The following SGO2 variants were observed in gnomAD, a reference collection of about 807,000 sequenced individuals.
SGO2 encodes the protein shugoshin 2, also known as shugoshin-like 2.
Under a neutral mutation model 99.5 loss-of-function variants are expected in SGO2, and 68 were observed. The observed-to-expected ratio is 0.68, with a 90% confidence interval of 0.56 to 0.84. The LOEUF (loss-of-function observed/expected upper bound fraction) is 0.84, where lower values mean the gene tolerates loss of function less well. Among genes scored for constraint, SGO2 ranks in the 40% least tolerant of loss-of-function variants. SGO2 has a pLI of 0.00. For missense variants in SGO2, 1,350 were observed against 1,436.7 expected, an observed-to-expected ratio of 0.94 and a Z score of 0.97; for synonymous variants, 457 against 487.1, an observed-to-expected ratio of 0.94 and a Z score of 0.81.
At position 200,573,835 on chromosome 2, in the gene SGO2, C is replaced by T. The variant is rs751980879; in HGVS notation, c.3489C>T (p.Ser1163=). 99 of 1,613,034 alleles carry T rather than the reference C, an allele frequency of 6.1e-5. 1 individual carries two copies. The Middle Eastern group carries it at 1.7e-3, about 27-fold the overall frequency. ...TTCGTGAAGGTTTAGTACCTTTGAG[C>T]GTTTCTTCTGGTAAAAATGTGATAA... ...DSVREGLVPL[S]VSSGKNVIIK... Residue 1163 remains serine, a synonymous_variant, in exon 7 of 9, where the codon AGC becomes AGT. Coordinates refer to ENST00000357799, the MANE Select transcript of SGO2 (RefSeq NM_152524.6).
chr2:200,551,570 G>T (rs1361717015), intron 5 of SGO2, among the ~76,000 whole-genome samples: 1 of 151,990 alleles, frequency 6.6e-6, no homozygotes, highest in African/African-American at 2.4e-5. Context: ...TTTTTAAAAG[G>T]AATATTTCTA....
chr2:200,555,779 G>T (rs1034304883), intron 5 of SGO2, among the ~76,000 whole-genome samples: 1 of 152,134 alleles, frequency 6.6e-6, no homozygotes. Context: ...TGATACCCCT[G>T]AAAGTCAAAA....
chr2:200,535,777 A>T (rs2031662048), intron 3 of SGO2, among the ~76,000 whole-genome samples: 1 of 152,100 alleles, frequency 6.6e-6, no homozygotes, highest in Admixed American at 6.6e-5. Flanking sequence ...CTATGAGAAG[A>T]TAGAAAAATG....
At chr2:200,583,203 A>G (rs965591666) in intron 8 of SGO2, among the ~76,000 whole-genome samples, 2 of 152,220 alleles carry the variant, frequency 1.3e-5, no homozygotes, top group Non-Finnish European at 2.9e-5. Flanking sequence ...TGTAATAAAC[A>G]TGTAATATAT....
chr2:200,561,717 C>T lies in SGO2; in HGVS notation c.474-7946C>T, dbSNP rs1574864505. On this transcript the variant is annotated intron_variant, in intron 5 of 8. Coordinates refer to ENST00000357799, the MANE Select transcript of SGO2 (RefSeq NM_152524.6). ...CTATTTCTCCACATCCTCTCCAGCA[C>T]CTGTTGTTTCCTGACTTTTTAATGA... 2.6e-5 allele frequency among the ~76,000 whole-genome samples: 4 copies of T among 152,040 alleles called. No homozygotes were observed. The South Asian group carries it at 8.3e-4, about 32-fold the overall frequency.
At chr2:200,531,588 G>C (rs1250793493) in intron 1 of SGO2, among the ~76,000 whole-genome samples, 1 of 152,186 alleles carries the variant, frequency 6.6e-6, no homozygotes, top group African/African-American at 2.4e-5. Flanking sequence ...TTTGGTTGAT[G>C]ATGGAATGTG....
intron 8 of SGO2, chr2:200,580,504 A>G (rs2033807823): frequency 4.6e-6 from 2 of 434,450 alleles, no homozygotes; most frequent in Non-Finnish European, 9.3e-6. Context: ...TCCCATTAAA[A>G]TTTATTGTTT....
At chr2:200,535,953 A>C in intron 3 of SGO2, 112 bp from the exon 4 acceptor site, 1 of 576,508 alleles carries the variant, frequency 1.7e-6, no homozygotes, top group Non-Finnish European at 3.0e-6. Context: ...GCTCAATATG[A>C]TATCAACTAT....
In SGO2 at chr2:200,573,304, TAAGA is replaced by T. The variant is rs2033525447; in HGVS notation, c.2964_2967del (p.Lys988AsnfsTer10). On this transcript the variant is annotated frameshift_variant, in exon 7 of 9. Coordinates refer to ENST00000357799, the MANE Select transcript of SGO2 (RefSeq NM_152524.6). LOFTEE classifies it high-confidence loss of function. Reference sequence around the variant, plus strand: ...ATTCCTACAAAGTAGTTAAAAAACGTAAGAAAGAATCATCATGCAAGGCAAAGAA... The same window carrying T: ...ATTCCTACAAAGTAGTTAAAAAACGTAAGAATCATCATGCAAGGCAAAGAA... 3 of 1,605,716 alleles carry T rather than the reference TAAGA, an allele frequency of 1.9e-6. No individual in the cohort carries two copies. Among genetic ancestry groups the T allele is most frequent in the Non-Finnish European group, 1.7e-6 (2 of 1,177,720 alleles).
chr2:200,570,584 T>C lies in SGO2; in HGVS notation c.704-466T>C, dbSNP rs1032644483. Among the ~76,000 whole-genome samples the C allele has an allele frequency of 2.7e-5, 4 of 150,856 alleles. No individual in the cohort carries two copies. Among genetic ancestry groups the C allele is most frequent in the Non-Finnish European group, 5.9e-5 (4 of 67,638 alleles). On this transcript the variant is annotated intron_variant, in intron 6 of 8. Transcript: ENST00000357799. This position sits in a 1 kb window ranked among gnomAD's most constrained non-coding sequence, Gnocchi z 4.4. The stretch of plus-strand genomic sequence containing the variant: ...ATATATATGGTATACATATAATGTA[T>C]ACAGTATACATATATACATGTGTGT...
chr2:200,572,562 T>C lies in SGO2; in HGVS notation c.2216T>C (p.Val739Ala). Residue 739 changes from valine (V) to alanine (A), a missense_variant, in exon 7 of 9, where the codon GTT (valine) becomes GCT (alanine). Val to Ala is a moderately conservative substitution (Grantham distance 64). Coordinates refer to ENST00000357799, the MANE Select transcript of SGO2 (RefSeq NM_152524.6). ...AATGACAAAAGTATAGAATACACAG[T>C]TAAAAGTCACTCACTCTTTTTAACG... ...LDNDKSIEYT[V>A]KSHSLFLTQK... is the part of the protein sequence containing the mutation. 6.2e-7 allele frequency: 1 copy of C among 1,612,374 alleles called. No individual in the cohort carries two copies. The highest frequency in any genetic ancestry group is 8.5e-7 in the Non-Finnish European group (1 of 1,178,886).
In SGO2 at chr2:200,570,149, C is replaced by G. The variant is rs1487556431; in HGVS notation, c.703+257C>G. 4.8e-6 allele frequency: 2 copies of G among 419,320 alleles called. No individual in the cohort carries two copies. Among genetic ancestry groups the G allele is most frequent in the African/African-American group, 4.1e-5 (2 of 48,642 alleles). 26.0% of individuals were successfully genotyped at this position (419,320 alleles called of 1,614,324 possible). ...AAATAAATGGACCTAATGAGCTTTTCTCAATATCTTAGCTTATGATTTGAA... is the reference window on the plus strand; with the variant it reads ...AAATAAATGGACCTAATGAGCTTTTGTCAATATCTTAGCTTATGATTTGAA... On this transcript the variant is annotated intron_variant, in intron 6 of 8. Coordinates refer to ENST00000357799, the MANE Select transcript of SGO2 (RefSeq NM_152524.6). This position sits in a 1 kb window ranked among gnomAD's most constrained non-coding sequence, Gnocchi z 4.4.
At chr2:200,550,598 G>C (rs1291598207) in intron 5 of SGO2, among the ~76,000 whole-genome samples, 1 of 151,872 alleles carries the variant, frequency 6.6e-6, no homozygotes, top group Non-Finnish European at 1.5e-5. Flanking sequence ...AAGGGATAGT[G>C]GTCAATAAAT....
chr2:200,544,704 T>TATCTATCTATC (rs2032131141), intron 5 of SGO2, among the ~76,000 whole-genome samples: 1 of 151,786 alleles, frequency 6.6e-6, no homozygotes, highest in Non-Finnish European at 1.5e-5. Flanking sequence ...TCTATCTATC[T>TATCTATCTATC]ATCTATCTAT....
In SGO2 at chr2:200,548,306, A is replaced by AT. The variant is rs376043488; in HGVS notation, c.473+5642_473+5643insT. On this transcript the variant is annotated intron_variant, in intron 5 of 8. Transcript: ENST00000357799. ...CACAATGGAAGAAAACTGGAAATTA[A>AT]AATGAGAGGAACTTTGGAAAATACA... is the stretch of plus-strand genomic sequence containing the variant. 1.5e-3 allele frequency among the ~76,000 whole-genome samples: 231 copies of AT among 152,208 alleles called. 1 individual carries two copies. Among genetic ancestry groups the AT allele is most frequent in the African/African-American group, 5.2e-3 (217 of 41,526 alleles).
chr2:200,577,452 T>C (rs1216277010), intron 8 of SGO2, among the ~76,000 whole-genome samples: 1 of 152,236 alleles, frequency 6.6e-6, no homozygotes, highest in Non-Finnish European at 1.5e-5. Context: ...GTAAAAATAA[T>C]ACAAAGGTTT....
At chr2:200,564,483 G>C (rs1240466404) in intron 5 of SGO2, among the ~76,000 whole-genome samples, 2 of 152,090 alleles carry the variant, frequency 1.3e-5, no homozygotes, top group Non-Finnish European at 2.9e-5. Flanking sequence ...ACTTCCAACT[G>C]TGTGGTCAAT....
At chr2:200,578,297 C>T (rs764857180) in intron 8 of SGO2, among the ~76,000 whole-genome samples, 20 of 151,970 alleles carry the variant, frequency 1.3e-4, no homozygotes, top group South Asian at 2.1e-4. Flanking sequence ...GGTTGGCTTC[C>T]GTGTCCTTTT....
At chr2:200,579,277 G>A (rs1428701133) in intron 8 of SGO2, among the ~76,000 whole-genome samples, 1 of 152,078 alleles carries the variant, frequency 6.6e-6, no homozygotes, top group Non-Finnish European at 1.5e-5. Context: ...ATTGTCTTGA[G>A]TTCTCCAGGT....
Sources: gnomAD v4.1 joint callset for allele counts (sites outside exome capture counted in the v4.1 genomes callset) on GRCh38, gnomAD v4.1.1 for gene constraint, Gnocchi (gnomAD v3.1) non-coding constraint, MANE v1.5 for transcripts, NCBI Gene and HGNC (gene_info 2026-07-23, HGNC 2026-07-21) for gene names.